The following GLE1 variants were observed in gnomAD, a reference collection of about 807,000 sequenced individuals.
GLE1 encodes GLE1 RNA export mediator, also known as mRNA export factor GLE1.
Under a neutral mutation model 97.3 loss-of-function variants are expected in GLE1, and 78 were observed. The ratio of observed to expected loss-of-function variants is 0.80; its 90% confidence interval spans 0.67 to 0.97. GLE1 has a LOEUF of 0.97. Ranked by LOEUF, GLE1 falls within the 50% of genes least tolerant of loss-of-function variation. The pLI is 0.00. For missense variants in GLE1, 753 were observed against 857.5 expected (o/e 0.88, Z 1.52); for synonymous variants, 302 against 313.4 (o/e 0.96, Z 0.39).
Position 128,504,841 on chromosome 9 carries a change from G to T in GLE1, c.36G>T (p.Lys12Asn), listed in dbSNP as rs774427102. The T allele has an allele frequency of 1.2e-6, 2 of 1,613,388 alleles. No homozygotes were observed. Among genetic ancestry groups the T allele is most frequent in the South Asian group, 2.2e-5 (2 of 91,080 alleles). Reference protein sequence around the residue: ...PSEGRCWETLKALRSSDKGRL... With the variant: ...PSEGRCWETLNALRSSDKGRL... ...AGGGTCGCTGCTGGGAGACCTTGAA[G>T]GCCCTACGCAGTTCCGACAAAGGTC... The change falls in exon 1 of 16, where the codon AAG (lysine) becomes AAT (asparagine). Residue 12 changes from lysine (K) to asparagine (N), a missense_variant. Lys to Asn is a moderately conservative substitution (Grantham distance 94). Coordinates refer to ENST00000309971, the MANE Select transcript of GLE1 (RefSeq NM_001003722.2).
At chr9:128,525,625 T>A (rs989931670) in intron 7 of GLE1, among the ~76,000 whole-genome samples, 1 of 152,242 alleles carries the variant, frequency 6.6e-6, no homozygotes, top group African/African-American at 2.4e-5. Context: ...TGTATAACTC[T>A]AGCAGATACA....
chr9:128,511,459 G>A (rs1303691143), intron 2 of GLE1, among the ~76,000 whole-genome samples: 1 of 151,634 alleles, frequency 6.6e-6, no homozygotes, highest in African/African-American at 2.4e-5. Context: ...TGTAATCCCA[G>A]CACTTTGGGA....
chr9:128,507,112 T>G (rs905602444), intron 1 of GLE1, among the ~76,000 whole-genome samples: 2 of 152,342 alleles, frequency 1.3e-5, no homozygotes, highest in East Asian at 1.9e-4. Flanking sequence ...TGATTTAAAA[T>G]TATATTTACA....
At chr9:128,511,941 A>C (rs2132417239) in intron 2 of GLE1, among the ~76,000 whole-genome samples, 1 of 152,122 alleles carries the variant, frequency 6.6e-6, no homozygotes, top group East Asian at 1.9e-4. Flanking sequence ...CCTCCCGAGT[A>C]GCTGGGATTA....
chr9:128,504,975 G>A, intron 1 of GLE1, 71 bp downstream of exon 1: 1 of 985,428 alleles, frequency 1.0e-6, no homozygotes, highest in Non-Finnish European at 1.6e-6. Flanking sequence ...CTAGCCGTTG[G>A]CACGTTCTGC....
At chr9:128,526,937 G>A (rs1171066420) in intron 7 of GLE1, among the ~76,000 whole-genome samples, 4 of 152,148 alleles carry the variant, frequency 2.6e-5, no homozygotes, top group Admixed American at 6.6e-5. Context: ...AATTATAGGC[G>A]TGGGTCACCA....
At chr9:128,524,325 C>G (rs1204848740) in intron 6 of GLE1, among the ~76,000 whole-genome samples, 1 of 151,908 alleles carries the variant, frequency 6.6e-6, no homozygotes, top group Non-Finnish European at 1.5e-5. Context: ...AGTGATCCCC[C>G]TACTTCGGCC....
intron 3 of GLE1, among the ~76,000 whole-genome samples, chr9:128,517,708 T>C (rs943028341): frequency 1.3e-5 from 2 of 152,214 alleles, no homozygotes; most frequent in Admixed American, 1.3e-4. Context: ...TTTTGTCTTA[T>C]TGTTTTGTTT....
At chr9:128,529,996 A>T (rs1316754377) in intron 9 of GLE1, among the ~76,000 whole-genome samples, 1 of 151,848 alleles carries the variant, frequency 6.6e-6, no homozygotes, top group Admixed American at 6.6e-5. Flanking sequence ...CAGGATTTCA[A>T]CGTGTTAGCC....
At chr9:128,531,831 C>CAAAAAAAA (rs1206684667) in intron 9 of GLE1, among the ~76,000 whole-genome samples, 1 of 51,880 alleles carries the variant, frequency 1.9e-5, no homozygotes, top group Admixed American at 2.3e-4. Flanking sequence ...GACTCCAGCT[C>CAAAAAAAA]AAAAAAAAAA....
At chr9:128,509,137 T>C in intron 2 of GLE1, 40 bp downstream of exon 2, 2 of 1,195,526 alleles carry the variant, frequency 1.7e-6, no homozygotes, top group South Asian at 1.2e-5. Context: ...ACATGGTGGC[T>C]GCAAAGTCAA....
At chr9:128,524,637 C>T (rs778309805) in intron 6 of GLE1, among the ~76,000 whole-genome samples, 13 of 147,956 alleles carry the variant, frequency 8.8e-5, no homozygotes, top group African/African-American at 2.2e-4. Context: ...CTTCAACCTC[C>T]GGCTTCCAGG....
intron 2 of GLE1, among the ~76,000 whole-genome samples, chr9:128,511,072 C>T (rs1291243695): frequency 6.6e-6 from 1 of 150,944 alleles, no homozygotes; most frequent in Non-Finnish European, 1.5e-5. Context: ...GGCGTCGTGG[C>T]GCACGCCTGT....
intron 14 of GLE1, chr9:128,539,926 G>A: frequency 7.7e-7 from 1 of 1,290,368 alleles, no homozygotes; most frequent in Non-Finnish European, 1.0e-6. Context: ...ACAAATTAGG[G>A]GCTGAGCACA....
chr9:128,537,156 G>C (rs542095838), intron 12 of GLE1, among the ~76,000 whole-genome samples: 2 of 152,164 alleles, frequency 1.3e-5, no homozygotes, highest in South Asian at 4.1e-4. Flanking sequence ...CCAATGTATT[G>C]AAACATTAAA....
chr9:128,529,997 C>T (rs1386080605), intron 9 of GLE1, among the ~76,000 whole-genome samples: 1 of 152,118 alleles, frequency 6.6e-6, no homozygotes, highest in Non-Finnish European at 1.5e-5. Flanking sequence ...AGGATTTCAA[C>T]GTGTTAGCCA....
chr9:128,508,545 A>G (rs1029507712), intron 1 of GLE1, among the ~76,000 whole-genome samples: 2 of 152,180 alleles, frequency 1.3e-5, no homozygotes, highest in Admixed American at 1.3e-4. Context: ...CTGACATTCT[A>G]CTGATTGTGT....
At chr9:128,522,393 A>G (rs1847174865) in intron 3 of GLE1, among the ~76,000 whole-genome samples, 1 of 152,206 alleles carries the variant, frequency 6.6e-6, no homozygotes, top group African/African-American at 2.4e-5. Context: ...GAGGTGGCTC[A>G]CGCCTGTAAT....
chr9:128,508,675 C>T (rs2132404258), intron 1 of GLE1, among the ~76,000 whole-genome samples: 1 of 152,232 alleles, frequency 6.6e-6, no homozygotes, highest in Non-Finnish European at 1.5e-5. Context: ...GTTATTTAGT[C>T]TGATTTTCAT....
Sources: allele counts gnomAD v4.1 joint callset (sites outside exome capture counted in the v4.1 genomes callset), GRCh38; gene constraint gnomAD v4.1.1; transcripts MANE v1.5; gene names NCBI Gene and HGNC (gene_info 2026-07-23, HGNC 2026-07-21).